The following NKAIN2 variants were observed in gnomAD, a reference collection of about 807,000 sequenced individuals.
NKAIN2 encodes sodium/potassium-transporting ATPase subunit beta-1-interacting protein 2.
In NKAIN2, 14 loss-of-function variants were observed where a neutral mutation model predicts 32.6. The observed-to-expected ratio is 0.43, with a 90% CI of 0.28 to 0.67. NKAIN2 has a LOEUF of 0.67. Ranked by LOEUF, NKAIN2 falls within the 30% of genes least tolerant of loss-of-function variation. The probability of loss-of-function intolerance (pLI) is 0.17; values close to 1 mark genes in which losing one functional copy is unlikely to be tolerated. For synonymous variants in NKAIN2, 80 were observed against 87.2 expected, an observed-to-expected ratio of 0.92 and a Z score of 0.46; for missense variants, 198 against 258.3, an observed-to-expected ratio of 0.77 and a Z score of 1.60.
chr6:123,835,659 A>G (rs1774587057), intron 1 of NKAIN2, among the ~76,000 whole-genome samples: 1 of 152,144 alleles, frequency 6.6e-6, no homozygotes, highest in African/African-American at 2.4e-5. Flanking sequence ...ATGATCTTAT[A>G]GCTGTTTTTC....
chr6:124,326,654 A>G (rs546079318), intron 2 of NKAIN2, among the ~76,000 whole-genome samples: 2 of 152,232 alleles, frequency 1.3e-5, no homozygotes, highest in East Asian at 1.9e-4. Context: ...TTTTACTTCT[A>G]GCAGTGTTCC....
At chr6:124,451,878 C>T (rs1776121475) in intron 3 of NKAIN2, among the ~76,000 whole-genome samples, 1 of 151,868 alleles carries the variant, frequency 6.6e-6, no homozygotes, top group Non-Finnish European at 1.5e-5. Flanking sequence ...AGGGGATTTC[C>T]TAGATGATCT....
chr6:124,531,920 C>T (rs1779542061), intron 3 of NKAIN2, among the ~76,000 whole-genome samples: 1 of 152,172 alleles, frequency 6.6e-6, no homozygotes. Context: ...ATACACCTGC[C>T]TTGTCCTCCC....
At chr6:124,464,206 T>C (rs1236269350) in intron 3 of NKAIN2, among the ~76,000 whole-genome samples, 1 of 152,114 alleles carries the variant, frequency 6.6e-6, no homozygotes, top group African/African-American at 2.4e-5. Flanking sequence ...CAGAGTGGTC[T>C]TGAACTTGTG....
rs1204837990 is a variant in NKAIN2 at position 124,324,874 on chromosome 6, T to C, written c.193-30393T>C. 2.6e-5 allele frequency among the ~76,000 whole-genome samples: 4 copies of C among 152,058 alleles called. 1 individual carries two copies. The highest frequency in any genetic ancestry group is 5.9e-5 in the Non-Finnish European group (4 of 67,946). On this transcript the variant is annotated intron_variant, in intron 2 of 6. Coordinates refer to ENST00000368417, the MANE Select transcript of NKAIN2 (RefSeq NM_001040214.3). ...AGCCTATTATTATTAAATGAACTTT[T>C]CATCCCTTGAATAAACACTACTTGG...
intron 3 of NKAIN2, among the ~76,000 whole-genome samples, chr6:124,493,962 C>T (rs2114731096): frequency 6.6e-6 from 1 of 152,078 alleles, no homozygotes; most frequent in East Asian, 1.9e-4. Context: ...TAATTTTTCT[C>T]ATTGCCTTTC....
At chr6:124,740,192 T>C (rs1363177451) in intron 4 of NKAIN2, among the ~76,000 whole-genome samples, 1 of 151,740 alleles carries the variant, frequency 6.6e-6, no homozygotes, top group Non-Finnish European at 1.5e-5. Flanking sequence ...AGTATGGTAT[T>C]AACTAGGGAA....
intron 3 of NKAIN2, among the ~76,000 whole-genome samples, chr6:124,575,444 C>G (rs1173587095): frequency 6.6e-6 from 1 of 152,224 alleles, no homozygotes; most frequent in Non-Finnish European, 1.5e-5. Context: ...GCCTAGTTCT[C>G]AAGTCACTCC....
chr6:124,286,920 G>T (rs1286608891), intron 2 of NKAIN2, among the ~76,000 whole-genome samples: 1 of 152,020 alleles, frequency 6.6e-6, no homozygotes, highest in Non-Finnish European at 1.5e-5. Flanking sequence ...CTGACCTCAT[G>T]ATCCGCCCAC....
chr6:124,177,348 T>C (rs1340260073), intron 1 of NKAIN2, among the ~76,000 whole-genome samples: 4 of 152,298 alleles, frequency 2.6e-5, no homozygotes, highest in Admixed American at 2.0e-4. Flanking sequence ...ATTGTGACTT[T>C]GGAGGGTGGC....
At chr6:124,515,190 C>T (rs1431688167) in intron 3 of NKAIN2, among the ~76,000 whole-genome samples, 2 of 152,062 alleles carry the variant, frequency 1.3e-5, no homozygotes, top group African/African-American at 4.8e-5. Flanking sequence ...GCCCTCTGTA[C>T]TTTAAATCAT....
At chr6:124,190,860 T>C (rs1789983857) in intron 1 of NKAIN2, among the ~76,000 whole-genome samples, 1 of 152,188 alleles carries the variant, frequency 6.6e-6, no homozygotes, top group Admixed American at 6.5e-5. Context: ...AAATAGACTC[T>C]CTTTTTTAGA....
chr6:124,353,573 T>C (rs1798829004), intron 2 of NKAIN2, among the ~76,000 whole-genome samples: 1 of 151,914 alleles, frequency 6.6e-6, no homozygotes, highest in Non-Finnish European at 1.5e-5. Context: ...GCTAACACGG[T>C]GAAACCCCGT....
intron 1 of NKAIN2, among the ~76,000 whole-genome samples, chr6:124,158,768 G>C (rs1367311464): frequency 6.6e-6 from 1 of 152,114 alleles, no homozygotes; most frequent in African/African-American, 2.4e-5. Flanking sequence ...TGCATTTATA[G>C]TCCAGAACCC....
intron 4 of NKAIN2, among the ~76,000 whole-genome samples, chr6:124,713,937 A>C (rs1016184678): frequency 1.1e-4 from 17 of 152,192 alleles, no homozygotes; most frequent in Non-Finnish European, 2.1e-4. Context: ...TTTTATCTCC[A>C]AGAAGTTTAT....
intron 1 of NKAIN2, among the ~76,000 whole-genome samples, chr6:124,184,861 A>G (rs796544573): frequency 5.3e-5 from 8 of 152,256 alleles, no homozygotes; most frequent in African/African-American, 1.9e-4. Flanking sequence ...ACTGTTAACC[A>G]TGGATTTTAG....
intron 1 of NKAIN2, among the ~76,000 whole-genome samples, chr6:123,890,260 G>A (rs1773938989): frequency 6.6e-6 from 1 of 151,806 alleles, no homozygotes; most frequent in African/African-American, 2.4e-5. Context: ...TGGAGTTTCA[G>A]TCTTGTCCTC....
intron 1 of NKAIN2, among the ~76,000 whole-genome samples, chr6:123,929,140 T>C (rs936619892): frequency 6.6e-6 from 1 of 152,178 alleles, no homozygotes; most frequent in Admixed American, 6.5e-5. Flanking sequence ...ACTGACTGTG[T>C]TTCATTTATT....
At chr6:123,862,186 G>C (rs917964833) in intron 1 of NKAIN2, among the ~76,000 whole-genome samples, 2 of 152,066 alleles carry the variant, frequency 1.3e-5, no homozygotes, top group Non-Finnish European at 2.9e-5. Flanking sequence ...TGTTATAGTG[G>C]GGAATGAATG....
Sources: allele counts gnomAD v4.1 joint callset (sites outside exome capture counted in the v4.1 genomes callset), GRCh38; gene constraint gnomAD v4.1.1; transcripts MANE v1.5; gene names NCBI Gene and HGNC (gene_info 2026-07-23, HGNC 2026-07-21).